Variants in CCDC187 observed in about 807,000 individuals in gnomAD.
The protein encoded by CCDC187 is coiled-coil domain-containing protein 187.
In CCDC187, 32 loss-of-function variants were observed where a neutral mutation model predicts 38.0. The observed-to-expected ratio is 0.84, with a 90% confidence interval of 0.64 to 1.13. The LOEUF is 1.13. Among genes scored for constraint, CCDC187 ranks in the 50% most tolerant of loss-of-function variants. CCDC187 has a pLI of 0.00. For missense variants in CCDC187, 707 were observed against 786.8 expected (o/e 0.90, Z 1.21); for synonymous variants, 333 against 347.9 (o/e 0.96, Z 0.48).
chr9:136,272,705 GAA>G (rs77179967), intron 14 of CCDC187, among the ~76,000 whole-genome samples: 1 of 132,438 alleles, frequency 7.6e-6, no homozygotes. Context: ...TCTGTCTCAA[GAA>G]AAAAAAAAAA....
At chr9:136,299,712 A>G (rs1640964237) in intron 3 of CCDC187, among the ~76,000 whole-genome samples, 1 of 152,096 alleles carries the variant, frequency 6.6e-6, no homozygotes, top group South Asian at 2.1e-4. Flanking sequence ...GAGTAAGCAA[A>G]AACCTGGTGG....
At chr9:136,269,251 A>G (rs937086412) in intron 14 of CCDC187, among the ~76,000 whole-genome samples, 2 of 152,248 alleles carry the variant, frequency 1.3e-5, no homozygotes, top group Non-Finnish European at 2.9e-5. Context: ...GGAAATGATT[A>G]GCCCCAGGCT....
At chr9:136,276,837 C>G (rs1830941878) in intron 10 of CCDC187, 110 bp from the exon 11 acceptor site, 1 of 152,278 alleles carries the variant, frequency 6.6e-6, no homozygotes, top group South Asian at 2.1e-4. Flanking sequence ...GCCTCTCCAC[C>G]TGCAGGGAAA....
At chr9:136,279,798 G>GAGGCGGCAATTCAGCCACA (rs2131238487) in intron 10 of CCDC187, among the ~76,000 whole-genome samples, 1 of 152,374 alleles carries the variant, frequency 6.6e-6, no homozygotes, top group African/African-American at 2.4e-5. Context: ...ATTCAGCCAT[G>GAGGCGGCAATTCAGCCACA]AGGCGGCAAT....
upstream of CCDC187, among the ~76,000 whole-genome samples, chr9:136,304,457 C>T (rs1383717386): frequency 2.6e-5 from 4 of 152,324 alleles, no homozygotes; most frequent in African/African-American, 4.8e-5. Context: ...GGGGAAGGGG[C>T]GCTGGCTTCT....
rs1830572095 is a variant in CCDC187, at chr9:136,253,327, C to T, written c.*267G>A. 6.5e-6 allele frequency: 1 copy of T among 153,198 alleles called. No homozygotes were observed. 9.5% of individuals were successfully genotyped at this position (153,198 alleles called of 1,614,324 possible). The stretch of plus-strand genomic sequence containing the variant: ...CAAAACAGGAGCCCAGTCCGCCGAT[C>T]ATCACTTCCACGTCACCAGCTGCCA... On this transcript the variant is annotated 3_prime_UTR_variant, in exon 26 of 26. Transcript: ENST00000638797.
chr9:136,298,717 A>T (rs945709019), intron 3 of CCDC187, among the ~76,000 whole-genome samples: 1 of 152,314 alleles, frequency 6.6e-6, no homozygotes, highest in East Asian at 1.9e-4. Flanking sequence ...ACAGACTGTG[A>T]TCCCACTCTA....
At chr9:136,260,413 A>G in intron 19 of CCDC187, 149 bp from the exon 20 acceptor site, 1 of 304,954 alleles carries the variant, frequency 3.3e-6, no homozygotes, top group Non-Finnish European at 4.8e-6. Flanking sequence ...GCCAAGCAGA[A>G]GACGGGACTG....
intron 5 of CCDC187, among the ~76,000 whole-genome samples, 183 bp downstream of exon 5, chr9:136,291,976 AAC>A (rs1831342411): frequency 6.6e-6 from 1 of 152,166 alleles, no homozygotes; most frequent in Admixed American, 6.5e-5. Context: ...AGGCTTTGAA[AAC>A]ACTTATTGCC....
rs1270663561 is a variant in CCDC187, at chr9:136,257,298, G to A, written c.4367-457C>T. 1.3e-5 allele frequency among the ~76,000 whole-genome samples: 2 copies of A among 152,082 alleles called. No homozygotes were observed. The highest frequency in any genetic ancestry group is 6.5e-5 in the Admixed American group (1 of 15,276). On this transcript the variant is annotated intron_variant, in intron 22 of 25. Coordinates refer to ENST00000638797, the MANE Select transcript of CCDC187 (RefSeq NM_001378188.1). This position sits in a 1 kb window ranked among gnomAD's most constrained non-coding sequence, Gnocchi z 4.5. ...TGAGGCAAAAGAATTGCTTGAACCCGGGAGGCGGAGGTTGCAGTGAGCCAA... is the reference window on the plus strand; with the variant it reads ...TGAGGCAAAAGAATTGCTTGAACCCAGGAGGCGGAGGTTGCAGTGAGCCAA...
upstream of CCDC187, among the ~76,000 whole-genome samples, chr9:136,304,940 C>T (rs1831775988): frequency 6.6e-6 from 1 of 152,212 alleles, no homozygotes. Context: ...TCCAGGCTCA[C>T]GCTATAGAAC....
intron 3 of CCDC187, 51 bp from the exon 4 acceptor site, chr9:136,297,872 T>G (rs1831574332): frequency 5.1e-6 from 2 of 395,890 alleles, no homozygotes; most frequent in African/African-American, 4.1e-5. Flanking sequence ...AGCAGTAAAG[T>G]GACACACGGG....
intron 2 of CCDC187, among the ~76,000 whole-genome samples, chr9:136,301,611 A>G (rs1293954316): frequency 0.93 from 134,183 of 143,760 alleles, 62,706 homozygotes; most frequent in African/African-American, 0.98. Context: ...TTTTGAGACG[A>G]AGTCTCGCTC....
intron 9 of CCDC187, 146 bp downstream of exon 9, chr9:136,285,367 G>A (rs1831150773): frequency 2.5e-6 from 1 of 402,250 alleles, no homozygotes; most frequent in African/African-American, 2.1e-5. Context: ...CGCAGCCTCT[G>A]GACCAGCATG....
chr9:136,300,996 C>T (rs1683175175), intron 2 of CCDC187, among the ~76,000 whole-genome samples: 1 of 152,246 alleles, frequency 6.6e-6, no homozygotes, highest in Admixed American at 6.5e-5. Flanking sequence ...TGGCACGACG[C>T]AGGCATCTCA....
At chr9:136,285,432 TGGGCAG>T (rs2131275092) in intron 9 of CCDC187, 75 bp downstream of exon 9, 1 of 29,526 alleles carries the variant, frequency 3.4e-5, no homozygotes, top group South Asian at 2.6e-4. Context: ...GGCGGGCAGG[TGGGCAG>T]GTGGGCAGGT....
At chr9:136,261,480 C>A (rs140820798) in intron 19 of CCDC187, among the ~76,000 whole-genome samples, 11 of 137,252 alleles carry the variant, frequency 8.0e-5, no homozygotes, top group African/African-American at 2.7e-4. Context: ...ATACATGTAC[C>A]GGCCCCTCCC....
intron 15 of CCDC187, 139 bp downstream of exon 15, chr9:136,267,910 G>A (rs1208923111): frequency 9.1e-6 from 9 of 985,530 alleles, no homozygotes; most frequent in East Asian, 2.3e-4. Flanking sequence ...AGCGGGTGAC[G>A]CGATCGCCGG....
chr9:136,262,429 C>T lies in CCDC187; in HGVS notation c.3946G>A (p.Gly1316Arg). 4.1e-6 allele frequency: 4 copies of T among 985,968 alleles called. No individual in the cohort carries two copies. Among genetic ancestry groups the T allele is most frequent in the Non-Finnish European group, 3.6e-6 (3 of 830,278 alleles). The allele number at this position is 985,968 out of a possible 1,614,324, so 61.1% of individuals were successfully genotyped here. The change falls in exon 19 of 26, where the codon GGA (glycine) becomes AGA (arginine). Residue 1316 changes from glycine (G) to arginine (R), a missense_variant. Physicochemically the swap from Gly to Arg is moderately radical, Grantham distance 125 (BLOSUM62 -2). Coordinates refer to ENST00000638797, the MANE Select transcript of CCDC187 (RefSeq NM_001378188.1). ...SSPKVKAAWE[G>R]GSETSQQPEA... ...GGCTGCTGGCTTGTCTCTGAGCCTC[C>T]CTCCCAGGCGGCCTTGACTTTGGGG...
Sources: allele counts gnomAD v4.1 joint callset (sites outside exome capture counted in the v4.1 genomes callset), GRCh38; gene constraint gnomAD v4.1.1; non-coding constraint Gnocchi (gnomAD v3.1); transcripts MANE v1.5; gene names NCBI Gene and HGNC (gene_info 2026-07-23, HGNC 2026-07-21).